The following MAP3K12 variants were observed in gnomAD, a reference collection of about 807,000 sequenced individuals.
The protein encoded by MAP3K12 is mitogen-activated protein kinase kinase kinase 12.
A neutral mutation model predicts 87.5 loss-of-function variants in MAP3K12; 14 were observed. That is an observed-to-expected ratio of 0.16 (90% CI 0.11 to 0.25). MAP3K12 has a LOEUF of 0.25. Ranked by LOEUF, MAP3K12 falls within the 10% of genes least tolerant of loss-of-function variation. The pLI is 1.00. For missense variants in MAP3K12, 802 were observed against 1,140.4 expected, an observed-to-expected ratio of 0.70 and a Z score of 4.27; for synonymous variants, 469 against 452.5, an observed-to-expected ratio of 1.04 and a Z score of -0.46.
Position 53,481,123 on chromosome 12 carries a change from A to ATG in MAP3K12, c.*57_*58dup, listed in dbSNP as rs915568440. 12 of 610,186 alleles carry ATG rather than the reference A, an allele frequency of 2.0e-5. No individual in the cohort carries two copies. The highest frequency in any genetic ancestry group is 2.7e-5 in the Non-Finnish European group (12 of 446,424). The allele number at this position is 610,186 out of a possible 1,614,324, so 37.8% of individuals were successfully genotyped here. ...TTATGTGGCGCATATATATATATAT[A>ATG]TGTATATATATATAATTTATATAAA... On this transcript the variant is annotated 3_prime_UTR_variant, in exon 14 of 14. Coordinates refer to ENST00000547488, the MANE Select transcript of MAP3K12 (RefSeq NM_001193511.2).
intron 1 of MAP3K12, among the ~76,000 whole-genome samples, chr12:53,495,402 C>G (rs1464863101): frequency 7.2e-6 from 1 of 139,462 alleles, no homozygotes; most frequent in Admixed American, 7.2e-5. Context: ...GTAATCCCAG[C>G]AATGGAGACC....
rs1215218215 is a variant in MAP3K12, at chr12:53,480,108, G to A, written c.*1074C>T. The A allele has an allele frequency of 6.6e-6, 1 of 152,078 alleles. No individual in the cohort carries two copies. The highest frequency in any genetic ancestry group is 1.5e-5 in the Non-Finnish European group (1 of 68,030). The allele number at this position is 152,078 out of a possible 1,614,324, so 9.4% of individuals were successfully genotyped here. ...GTAGGCAAGCACTTCCACTAGGGAGGGGGTGGGGGAAAGGAATGACACATG... is the reference window on the plus strand; with the variant it reads ...GTAGGCAAGCACTTCCACTAGGGAGAGGGTGGGGGAAAGGAATGACACATG... On this transcript the variant is annotated 3_prime_UTR_variant, in exon 14 of 14. Coordinates refer to ENST00000547488, the MANE Select transcript of MAP3K12 (RefSeq NM_001193511.2).
rs1241927252 is a variant in MAP3K12, at chr12:53,482,035, G to A, written c.2486C>T (p.Ser829Leu). 1 of 1,614,168 alleles carries A rather than the reference G, an allele frequency of 6.2e-7. No individual in the cohort carries two copies. The highest frequency in any genetic ancestry group is 2.2e-5 in the East Asian group (1 of 44,868). ...ERSDDMCSQG[S>L]EIPLDPPPSE... Reference sequence around the variant, plus strand: ...AGGAGGTGGGTCCAGTGGGATTTCTGAGCCCTGGGAGCACATGTCATCAGA... The same window carrying A: ...AGGAGGTGGGTCCAGTGGGATTTCTAAGCCCTGGGAGCACATGTCATCAGA... The change falls in exon 13 of 14, where the codon TCA (serine) becomes TTA (leucine). Residue 829 changes from serine (S) to leucine (L), a missense_variant. Ser to Leu is a moderately radical substitution (Grantham distance 145). Transcript: ENST00000547488.
Position 53,486,040 on chromosome 12 carries a change from C to G in MAP3K12, c.821+16G>C, listed in dbSNP as rs376679858. ...CACCTGCATGCACATCTGTTGCTCC[C>G]TGCTTGCTTACTCACTTGGGTGACT... On this transcript the variant is annotated intron_variant, in intron 4 of 13. Transcript: ENST00000547488. The surrounding 1 kb of genome is among the most constrained non-coding windows in gnomAD (Gnocchi z 4.9). 1.0e-4 allele frequency: 164 copies of G among 1,588,966 alleles called. No individual in the cohort carries two copies. In the African/African-American group the frequency reaches 2.0e-3, roughly 19 times the overall value.
chr12:53,486,768 G>A lies in MAP3K12; in HGVS notation c.446-146C>T, dbSNP rs879192072. On this transcript the variant is annotated intron_variant, in intron 2 of 13. Transcript: ENST00000547488. The surrounding 1 kb of genome is among the most constrained non-coding windows in gnomAD (Gnocchi z 4.9). ...GCCAAGAAGAAGGTTCGAGGGGACA[G>A]GGAAGGAATGAATGGGTGGCCTTAA... The A allele has an allele frequency of 6.8e-7, 1 of 1,462,598 alleles. No individual in the cohort carries two copies. The highest frequency in any genetic ancestry group is 9.0e-7 in the Non-Finnish European group (1 of 1,112,874). The allele number at this position is 1,462,598 out of a possible 1,614,324, so 90.6% of individuals were successfully genotyped here. A position where few individuals can be genotyped will look rare whatever the true frequency, so the allele number is the denominator to read the frequency against.
intron 7 of MAP3K12, 78 bp downstream of exon 7, chr12:53,484,179 T>G (rs1943161317): frequency 6.9e-7 from 1 of 1,443,136 alleles, no homozygotes; most frequent in African/African-American, 1.4e-5. Flanking sequence ...CTCAACCCAT[T>G]TCCCAGCCTC....
intron 1 of MAP3K12, among the ~76,000 whole-genome samples, chr12:53,489,725 C>T (rs1943349289): frequency 6.6e-6 from 1 of 152,180 alleles, no homozygotes; most frequent in South Asian, 2.1e-4. Context: ...TACACAGGCA[C>T]ACAAGGAGGC....
At chr12:53,481,500 C>CCA (rs1425025236) in intron 13 of MAP3K12, 1 of 302,348 alleles carries the variant, frequency 3.3e-6, no homozygotes, top group African/African-American at 2.2e-5. Context: ...CAGGCATGCA[C>CCA]CACCACGCCC....
In MAP3K12 at chr12:53,479,730, T is replaced by TTAA; in HGVS notation, c.*1449_*1451dup. On this transcript the variant is annotated 3_prime_UTR_variant, in exon 14 of 14. Transcript: ENST00000547488. Reference sequence around the variant, plus strand: ...GTCATGGAAATGTAAGAGTGGAATATTAATACATTTCAGTTTAGTTCTGTA... The same window carrying TTAA: ...GTCATGGAAATGTAAGAGTGGAATATTAATAATACATTTCAGTTTAGTTCTGTA... 1 of 251,144 alleles carries TTAA rather than the reference T, an allele frequency of 4.0e-6. No individual in the cohort carries two copies. 15.6% of individuals were successfully genotyped at this position (251,144 alleles called of 1,614,324 possible).
intron 1 of MAP3K12, among the ~76,000 whole-genome samples, chr12:53,488,585 C>A (rs1029150858): frequency 1.3e-5 from 2 of 151,944 alleles, no homozygotes; most frequent in African/African-American, 2.4e-5. Flanking sequence ...TGCTTAAACC[C>A]GGGAGGCTGA....
chr12:53,486,385 G>T lies in MAP3K12; in HGVS notation c.629+54C>A. On this transcript the variant is annotated intron_variant, in intron 3 of 13. Transcript: ENST00000547488. This position sits in a 1 kb window ranked among gnomAD's most constrained non-coding sequence, Gnocchi z 4.9. ...GGGGTAGGTCCCACTGCCCAGGAGG[G>T]TACCAGGCCTTAGCATAGTATCCCC... 1 of 1,597,430 alleles carries T rather than the reference G, an allele frequency of 6.3e-7. No individual in the cohort carries two copies. The highest frequency in any genetic ancestry group is 8.5e-7 in the Non-Finnish European group (1 of 1,169,956).
intron 1 of MAP3K12, 153 bp from the exon 2 acceptor site, chr12:53,487,581 T>G: frequency 1.4e-6 from 1 of 693,804 alleles, no homozygotes; most frequent in Admixed American, 3.1e-5. Flanking sequence ...GCCCTCCAAA[T>G]TGCACCTTGA....
intron 1 of MAP3K12, among the ~76,000 whole-genome samples, chr12:53,488,805 C>T (rs1315284846): frequency 1.3e-5 from 2 of 151,054 alleles, no homozygotes; most frequent in African/African-American, 2.4e-5. Context: ...CTTGGCTGGG[C>T]GCAGTGGCTC....
chr12:53,485,501 G>T (rs1943202558), intron 4 of MAP3K12, 26 bp from the exon 5 acceptor site: 1 of 1,608,028 alleles, frequency 6.2e-7, no homozygotes, highest in Non-Finnish European at 8.5e-7. Context: ...GTCAGCTGGG[G>T]TCCACACCCC....
At chr12:53,501,055 T>A (rs369719479), upstream of MAP3K12, 11 of 317,016 alleles carry the variant, frequency 3.5e-5, no homozygotes, top group African/African-American at 2.2e-4. Context: ...AGTACGCATG[T>A]CCACAGCTTC....
chr12:53,489,729 A>G (rs1408188815), intron 1 of MAP3K12, among the ~76,000 whole-genome samples: 1 of 152,204 alleles, frequency 6.6e-6, no homozygotes, highest in Non-Finnish European at 1.5e-5. Flanking sequence ...CAGGCACACA[A>G]GGAGGCTTGG....
chr12:53,486,937 C>A lies in MAP3K12; in HGVS notation c.445+10G>T. ...AACAGAGAGGAGGCTCCCACAAGGACGTGGCCTACCTTCCTGCTGCTGCTT... is the reference window on the plus strand; with the variant it reads ...AACAGAGAGGAGGCTCCCACAAGGAAGTGGCCTACCTTCCTGCTGCTGCTT... On this transcript the variant is annotated intron_variant, in intron 2 of 13. Transcript: ENST00000547488. The surrounding 1 kb of genome is among the most constrained non-coding windows in gnomAD (Gnocchi z 4.9). 3 of 1,610,730 alleles carry A rather than the reference C, an allele frequency of 1.9e-6. No individual in the cohort carries two copies. The highest frequency in any genetic ancestry group is 2.5e-6 in the Non-Finnish European group (3 of 1,177,214).
chr12:53,491,590 C>T (rs1345724927), intron 1 of MAP3K12, among the ~76,000 whole-genome samples: 2 of 151,388 alleles, frequency 1.3e-5, no homozygotes, highest in Non-Finnish European at 1.5e-5. Flanking sequence ...CCCGCCACGA[C>T]GCCCGGCTAA....
chr12:53,484,127 T>A, intron 7 of MAP3K12, 107 bp from the exon 8 acceptor site: 1 of 1,379,286 alleles, frequency 7.3e-7, no homozygotes, highest in South Asian at 1.2e-5. Flanking sequence ...CAAAAAGGAG[T>A]GGATTGACTC....
Sources: allele counts gnomAD v4.1 joint callset (sites outside exome capture counted in the v4.1 genomes callset), GRCh38; gene constraint gnomAD v4.1.1; non-coding constraint Gnocchi (gnomAD v3.1); transcripts MANE v1.5; gene names NCBI Gene and HGNC (gene_info 2026-07-23, HGNC 2026-07-21).